The following KCNK9 variants were observed in gnomAD, a reference collection of about 807,000 sequenced individuals.
KCNK9 encodes potassium two pore domain channel subfamily K member 9, also known as potassium channel subfamily K member 9.
A neutral mutation model predicts 10.8 loss-of-function variants in KCNK9; 1 was observed. That is an observed-to-expected ratio of 0.09 (90% confidence interval 0.03 to 0.44). The LOEUF is 0.44. Ranked by LOEUF, KCNK9 falls within the 20% of genes least tolerant of loss-of-function variation. The pLI is 0.97. For synonymous variants in KCNK9, 231 were observed against 222.7 expected (o/e 1.04, Z -0.33); for missense variants, 303 against 515.0 (o/e 0.59, Z 3.98).
chr8:139,667,397 G>T, intron 1 of KCNK9, among the ~76,000 whole-genome samples: 1 of 152,050 alleles, frequency 6.6e-6, no homozygotes, highest in Non-Finnish European at 1.5e-5. Flanking sequence ...AAATGAATGT[G>T]CATAAAAACG....
At chr8:139,650,564 C>T (rs1350537375) in intron 1 of KCNK9, among the ~76,000 whole-genome samples, 9 of 152,114 alleles carry the variant, frequency 5.9e-5, no homozygotes, top group African/African-American at 2.2e-4. Context: ...AGGAAGTAGA[C>T]CCCAAGGATG....
chr8:139,658,999 G>C (rs924700581), intron 1 of KCNK9, among the ~76,000 whole-genome samples: 2 of 149,444 alleles, frequency 1.3e-5, no homozygotes, highest in Non-Finnish European at 2.9e-5. Context: ...GAAGGTCTGT[G>C]ATTAGAGGTG....
intron 1 of KCNK9, among the ~76,000 whole-genome samples, chr8:139,619,716 G>A (rs1814719569): frequency 6.6e-6 from 1 of 152,170 alleles, no homozygotes; most frequent in South Asian, 2.1e-4. Flanking sequence ...CTTCAGAGTT[G>A]GGATTTCAGC....
At chr8:139,613,694 A>C (rs1814497686), downstream of KCNK9, among the ~76,000 whole-genome samples, 1 of 152,190 alleles carries the variant, frequency 6.6e-6, no homozygotes, top group South Asian at 2.1e-4. Context: ...AGGCCCAGGG[A>C]GTGAAATGAC....
intron 1 of KCNK9, among the ~76,000 whole-genome samples, chr8:139,652,632 T>C (rs768387707): frequency 3.2e-4 from 48 of 152,176 alleles, no homozygotes; most frequent in Non-Finnish European, 5.7e-4. Context: ...GCTGATTCAA[T>C]GGTTATTTGT....
chr8:139,667,961 C>T (rs1816340204), intron 1 of KCNK9, among the ~76,000 whole-genome samples: 1 of 152,116 alleles, frequency 6.6e-6, no homozygotes, highest in African/African-American at 2.4e-5. Context: ...AAAGCCACAC[C>T]TCCTTTTACC....
chr8:139,652,223 C>T (rs995391015), intron 1 of KCNK9, among the ~76,000 whole-genome samples: 2 of 152,154 alleles, frequency 1.3e-5, no homozygotes, highest in Non-Finnish European at 1.5e-5. Context: ...CCCAATGCTT[C>T]CACAAGACAC....
Position 139,618,999 on chromosome 8 carries a change from C to G in KCNK9, c.384G>C (p.Leu128=). 6.2e-7 allele frequency: 1 copy of G among 1,614,222 alleles called. No individual in the cohort carries two copies. Among genetic ancestry groups the G allele is most frequent in the Non-Finnish European group, 8.5e-7 (1 of 1,180,026 alleles). ...IPLTLVMFQS[L]GERMNTFVRY... ...GCACGAAGGTGTTCATGCGCTCGCC[C>G]AGGCTCTGGAACATGACCAGTGTCA... Residue 128 remains leucine, a synonymous_variant, in exon 2 of 2, where the codon CTG becomes CTC. Coordinates refer to ENST00000520439, the MANE Select transcript of KCNK9 (RefSeq NM_001282534.2). The surrounding 1 kb of genome is among the most constrained non-coding windows in gnomAD (Gnocchi z 7.9).
At chr8:139,627,236 C>A (rs1029263425) in intron 1 of KCNK9, among the ~76,000 whole-genome samples, 3 of 152,214 alleles carry the variant, frequency 2.0e-5, no homozygotes, top group African/African-American at 7.2e-5. Context: ...AACTCATTCT[C>A]TCATGGATAA....
chr8:139,640,040 G>A (rs746254263), intron 1 of KCNK9, among the ~76,000 whole-genome samples: 10 of 151,914 alleles, frequency 6.6e-5, no homozygotes, highest in South Asian at 2.1e-4. Context: ...CAGCCCTGGC[G>A]AGCCAATACC....
intron 1 of KCNK9, among the ~76,000 whole-genome samples, chr8:139,656,318 C>T (rs1816019133): frequency 6.6e-6 from 1 of 152,208 alleles, no homozygotes; most frequent in Non-Finnish European, 1.5e-5. Context: ...GCCTGGGCCA[C>T]TAACTCTTTG....
chr8:139,603,920 T>C (rs746180786), intron 2 of KCNK9, among the ~76,000 whole-genome samples: 7 of 152,328 alleles, frequency 4.6e-5, no homozygotes, highest in Non-Finnish European at 8.8e-5. Context: ...CCAGTCCACA[T>C]TCTTGGAGCC....
At chr8:139,651,041 C>G (rs1302061548) in intron 1 of KCNK9, among the ~76,000 whole-genome samples, 2 of 152,176 alleles carry the variant, frequency 1.3e-5, no homozygotes, top group Non-Finnish European at 2.9e-5. Flanking sequence ...GAGCCCACCC[C>G]CTTCTGCTTC....
intron 1 of KCNK9, among the ~76,000 whole-genome samples, chr8:139,637,760 TAC>T (rs34018499): frequency 0.23 from 34,176 of 146,014 alleles, 4,529 homozygotes; most frequent in East Asian, 0.64. Flanking sequence ...ATTCCTACTC[TAC>T]ACACACACAC....
rs549758636 is a variant in KCNK9 at position 139,684,034 on chromosome 8, A to C, written c.283+18676T>G. 5.3e-5 allele frequency among the ~76,000 whole-genome samples: 8 copies of C among 152,332 alleles called. No individual in the cohort carries two copies. The South Asian group carries it at 1.7e-3, about 32-fold the overall frequency. On this transcript the variant is annotated intron_variant, in intron 1 of 1. Transcript: ENST00000520439. ...TAAACCCAAGTACAAATGCCAATAC[A>C]CTAAGGAAGACAAAGCCAAAAAGTC...
At chr8:139,688,279 C>G (rs1382846562) in intron 1 of KCNK9, among the ~76,000 whole-genome samples, 1 of 152,152 alleles carries the variant, frequency 6.6e-6, no homozygotes, top group Admixed American at 6.5e-5. Flanking sequence ...CGTTCTCACA[C>G]TGCTATAAAG....
intron 2 of KCNK9, among the ~76,000 whole-genome samples, chr8:139,604,490 G>A (rs1254256634): frequency 1.3e-5 from 2 of 152,160 alleles, no homozygotes; most frequent in Admixed American, 6.5e-5. Flanking sequence ...GCATCTGCAC[G>A]CCATGGAGAG....
intron 1 of KCNK9, among the ~76,000 whole-genome samples, chr8:139,671,532 A>C (rs1459926265): frequency 8.2e-6 from 1 of 121,580 alleles, no homozygotes; most frequent in African/African-American, 3.2e-5. Context: ...TTTTTTTTAG[A>C]TGGAGTCTTG....
intron 1 of KCNK9, among the ~76,000 whole-genome samples, chr8:139,697,421 A>G (rs1817089226): frequency 6.7e-6 from 1 of 149,110 alleles, no homozygotes; most frequent in South Asian, 2.2e-4. Context: ...ATGGGGATAG[A>G]CAGATGGATG....
Sources: gnomAD v4.1 joint callset for allele counts (sites outside exome capture counted in the v4.1 genomes callset) on GRCh38, gnomAD v4.1.1 for gene constraint, Gnocchi (gnomAD v3.1) non-coding constraint, MANE v1.5 for transcripts, NCBI Gene and HGNC (gene_info 2026-07-23, HGNC 2026-07-21) for gene names.